PFAS: variants seen among roughly 807,000 people sequenced by gnomAD.
PFAS encodes FGAM synthase.
In PFAS, 97 loss-of-function variants were observed where a neutral mutation model predicts 140.6. The observed-to-expected ratio is 0.69, with a 90% CI of 0.59 to 0.82. The LOEUF (loss-of-function observed/expected upper bound fraction) is 0.82, where lower values mean the gene tolerates loss of function less well. PFAS is among the 40% of genes least tolerant of loss of function. PFAS has a pLI of 0.00. For missense variants in PFAS, 1,656 were observed against 1,780.2 expected, an observed-to-expected ratio of 0.93 and a Z score of 1.26; for synonymous variants, 679 against 718.8, an observed-to-expected ratio of 0.94 and a Z score of 0.88.
Position 8,268,845 on chromosome 17 carries a change from C to T in PFAS, c.3695C>T (p.Ala1232Val), listed in dbSNP as rs752932086. The T allele has an allele frequency of 3.7e-6, 6 of 1,608,674 alleles. No homozygotes were observed. The Admixed American group carries it at 5.0e-5, about 13-fold the overall frequency. The change falls in exon 27 of 28, where the codon GCG becomes GTG. Residue 1232 changes from alanine to valine, a missense_variant. Physicochemically the swap from Ala to Val is moderately conservative, Grantham distance 64 (BLOSUM62 0). Coordinates refer to ENST00000314666, the MANE Select transcript of PFAS (RefSeq NM_012393.3). ...MEGAVLPVWS[A>V]HGEGYVAFSS... Reference sequence around the variant, plus strand: ...GGCGCCGTGCTGCCCGTGTGGAGTGCGCACGGGGAAGGTCAGGCCCAAGGA... The same window carrying T: ...GGCGCCGTGCTGCCCGTGTGGAGTGTGCACGGGGAAGGTCAGGCCCAAGGA...
In PFAS at chr17:8,263,090, A is replaced by G. The variant is rs200964635; in HGVS notation, c.1411-19A>G. The stretch of plus-strand genomic sequence containing the variant: ...GCTTCCAGTCTCGCTGAGCTGAGCT[A>G]TGCCATATATGCCCCCAGGTGCAGG... On this transcript the variant is annotated intron_variant, in intron 12 of 27. Transcript: ENST00000314666. 470 of 1,613,696 alleles carry G rather than the reference A, an allele frequency of 2.9e-4. No homozygotes were observed. The highest frequency in any genetic ancestry group is 2.5e-3 in the Middle Eastern group (15 of 6,058).
In PFAS at chr17:8,267,910, ATAT is replaced by A. The variant is rs962990225; in HGVS notation, c.3382+250_3382+252del. Among the ~76,000 whole-genome samples, 12 of 144,934 alleles carry A rather than the reference ATAT, an allele frequency of 8.3e-5. No individual in the cohort carries two copies. Among genetic ancestry groups the A allele is most frequent in the East Asian group, 5.9e-4 (3 of 5,084 alleles). On this transcript the variant is annotated intron_variant, in intron 26 of 27. Coordinates refer to ENST00000314666, the MANE Select transcript of PFAS (RefSeq NM_012393.3). This position sits in a 1 kb window ranked among gnomAD's most constrained non-coding sequence, Gnocchi z 4.9. ...ATTATTAAATATATATTATTTATATATATTATTTATATATTATTAAAATGTATA... is the reference window on the plus strand; with the variant it reads ...ATTATTAAATATATATTATTTATATATATTTATATATTATTAAAATGTATA...
intron 11 of PFAS, among the ~76,000 whole-genome samples, chr17:8,262,212 T>C (rs945044941): frequency 2.6e-5 from 4 of 152,158 alleles, no homozygotes; most frequent in African/African-American, 9.7e-5. Context: ...TATATTCTCT[T>C]TTTTTGGTGG....
rs781714578 is a variant in PFAS at position 8,267,435 on chromosome 17, C to T, written c.3239C>T (p.Ala1080Val). 28 of 1,613,940 alleles carry T rather than the reference C, an allele frequency of 1.7e-5. No individual in the cohort carries two copies. Among genetic ancestry groups the T allele is most frequent in the Non-Finnish European group, 2.3e-5 (27 of 1,179,970 alleles). Residue 1080 changes from alanine (A) to valine (V), a missense_variant, in exon 25 of 28, where the codon GCC (alanine) becomes GTC (valine). Physicochemically the swap from Ala to Val is moderately conservative, Grantham distance 64. Transcript: ENST00000314666. The surrounding 1 kb of genome is among the most constrained non-coding windows in gnomAD (Gnocchi z 4.9). ...GGCAGTAATGGAGACCGGGAGATGGCCGATGCCTTCCACTTAGCTGGGTTT... is the reference window on the plus strand; with the variant it reads ...GGCAGTAATGGAGACCGGGAGATGGTCGATGCCTTCCACTTAGCTGGGTTT... ...EEGSNGDREMADAFHLAGFEV... is the reference protein window; with the variant it reads ...EEGSNGDREMVDAFHLAGFEV...
chr17:8,263,763 G>A lies in PFAS; in HGVS notation c.1630-12G>A, dbSNP rs144431012. On this transcript the variant is annotated splice_polypyrimidine_tract_variant and intron_variant, in intron 14 of 27. Transcript: ENST00000314666. The stretch of plus-strand genomic sequence containing the variant: ...CTGGCCCTTCTCTTTCCTCCCCGCC[G>A]TGGCTGTGCAGCTTGGGGACCCAAC... The A allele has an allele frequency of 4.8e-3, 7,801 of 1,612,356 alleles. 31 individuals carry two copies. The highest frequency in any genetic ancestry group is 6.0e-3 in the Non-Finnish European group (7,083 of 1,178,624).
intron 1 of PFAS, among the ~76,000 whole-genome samples, chr17:8,252,185 T>C (rs2151573695): frequency 6.6e-6 from 1 of 151,296 alleles, no homozygotes; most frequent in Middle Eastern, 3.4e-3. Context: ...TCTCAGCTAC[T>C]TGGGAGGCTG....
Position 8,256,823 on chromosome 17 carries a change from C to G in PFAS, c.947-12C>G. ...TGAGGCACCCAGACCTCTCCCCACT[C>G]TCTCTTTGCAGGAGTATGCCCCTTT... is the stretch of plus-strand genomic sequence containing the variant. On this transcript the variant is annotated splice_polypyrimidine_tract_variant and intron_variant, in intron 8 of 27. Coordinates refer to ENST00000314666, the MANE Select transcript of PFAS (RefSeq NM_012393.3). The G allele has an allele frequency of 6.3e-7, 1 of 1,587,844 alleles. No homozygotes were observed. Among genetic ancestry groups the G allele is most frequent in the Non-Finnish European group, 8.6e-7 (1 of 1,167,076 alleles).
chr17:8,252,122 C>T (rs921408315), intron 1 of PFAS, among the ~76,000 whole-genome samples: 64 of 151,612 alleles, frequency 4.2e-4, no homozygotes, highest in African/African-American at 1.4e-3. Flanking sequence ...AGGGAAACCC[C>T]GTCTCTACTA....
rs144253641 is a variant in PFAS at position 8,252,065 on chromosome 17, G to A, written c.-79-1794G>A. 1.7e-4 allele frequency among the ~76,000 whole-genome samples: 26 copies of A among 151,868 alleles called. No individual in the cohort carries two copies. In the East Asian group the frequency reaches 3.8e-3, roughly 22 times the overall value. ...TCCCAACGCTTTGGGAGTCCGAGGC[G>A]GGCAGATCACTTGAGGTCAGGAGTT... On this transcript the variant is annotated intron_variant, in intron 1 of 27. Transcript: ENST00000314666.
At chr17:8,248,797 G>T (rs953608636), upstream of PFAS, among the ~76,000 whole-genome samples, 2 of 152,126 alleles carry the variant, frequency 1.3e-5, no homozygotes, top group Non-Finnish European at 2.9e-5. Flanking sequence ...GGGCTCAAGC[G>T]ATCTGCCCGC....
At chr17:8,248,159 G>T, upstream of PFAS, 1 of 748,024 alleles carries the variant, frequency 1.3e-6, no homozygotes, top group Non-Finnish European at 2.3e-6. Flanking sequence ...GCTCCTTCTC[G>T]CTGCTCACCC....
chr17:8,261,438 C>T (rs180966634), intron 11 of PFAS, among the ~76,000 whole-genome samples: 4 of 151,898 alleles, frequency 2.6e-5, no homozygotes, highest in East Asian at 3.9e-4. Flanking sequence ...GGGGTTTCAC[C>T]GTGTTGCCCA....
Position 8,263,218 on chromosome 17 carries a change from A to C in PFAS, c.1520A>C (p.Lys507Thr). The change falls in exon 13 of 28, where the codon AAG (lysine) becomes ACG (threonine). Residue 507 changes from lysine to threonine, a missense_variant. This residue lies in a region of PFAS where 773 missense variants were observed against 757.3 expected (regional missense o/e 1.02). Coordinates refer to ENST00000314666, the MANE Select transcript of PFAS (RefSeq NM_012393.3). ...RVIRACVEAP[K>T]GNPICSLHDQ... ...ATCAGGGCTTGTGTGGAGGCCCCCA[A>C]GGGAAACCCCATCTGCAGCCTTCAT... 6.2e-7 allele frequency: 1 copy of C among 1,614,148 alleles called. No homozygotes were observed. Among genetic ancestry groups the C allele is most frequent in the African/African-American group, 1.3e-5 (1 of 75,042 alleles).
At position 8,267,876 on chromosome 17, in the gene PFAS, A is replaced by T. The variant is rs966370842; in HGVS notation, c.3382+211A>T. ...AGTATATATATACACATATGTAATT[A>T]AAATATATATTATTAAATATATATT... On this transcript the variant is annotated intron_variant, in intron 26 of 27. Coordinates refer to ENST00000314666, the MANE Select transcript of PFAS (RefSeq NM_012393.3). The surrounding 1 kb of genome is among the most constrained non-coding windows in gnomAD (Gnocchi z 4.9). Among the ~76,000 whole-genome samples, 207 of 146,630 alleles carry T rather than the reference A, an allele frequency of 1.4e-3. 1 individual carries two copies. Among genetic ancestry groups the T allele is most frequent in the African/African-American group, 4.9e-3 (198 of 40,394 alleles).
chr17:8,248,054 C>G, upstream of PFAS: 1 of 1,592,534 alleles, frequency 6.3e-7, no homozygotes, highest in Non-Finnish European at 8.6e-7. Context: ...CGGAGCTCCG[C>G]CCCCGGGAGG....
chr17:8,264,039 T>C, intron 15 of PFAS, 103 bp downstream of exon 15: 1 of 1,470,028 alleles, frequency 6.8e-7, no homozygotes, highest in Non-Finnish European at 9.5e-7. Context: ...GAGAGGAAGA[T>C]GGGAGGTAGT....
At position 8,267,360 on chromosome 17, in the gene PFAS, T is replaced by C; in HGVS notation, c.3176-12T>C. 2 of 1,612,920 alleles carry C rather than the reference T, an allele frequency of 1.2e-6. No individual in the cohort carries two copies. Among genetic ancestry groups the C allele is most frequent in the Non-Finnish European group, 1.7e-6 (2 of 1,179,146 alleles). ...TGACTTTCTGGCCCAAAGACACTTA[T>C]TCTCCCCCAAGGTGGTCCCAGCCCC... On this transcript the variant is annotated splice_polypyrimidine_tract_variant and intron_variant, in intron 24 of 27. Transcript: ENST00000314666. This position sits in a 1 kb window ranked among gnomAD's most constrained non-coding sequence, Gnocchi z 4.9.
chr17:8,256,468 T>C (rs1469379737), intron 7 of PFAS, 56 bp from the exon 8 acceptor site: 1 of 1,613,596 alleles, frequency 6.2e-7, no homozygotes, highest in African/African-American at 1.3e-5. Flanking sequence ...CAGGCCCTGG[T>C]TGGGTTAGTG....
Position 8,256,119 on chromosome 17 carries a change from A to G in PFAS, c.681-148A>G, listed in dbSNP as rs1989351993. 4.5e-6 allele frequency: 4 copies of G among 896,210 alleles called. No individual in the cohort carries two copies. In the South Asian group the frequency reaches 6.9e-5, roughly 16 times the overall value. The allele number at this position is 896,210 out of a possible 1,614,324, so 55.5% of individuals were successfully genotyped here. On this transcript the variant is annotated intron_variant, in intron 6 of 27. Transcript: ENST00000314666. The stretch of plus-strand genomic sequence containing the variant: ...TAGTCCAAAATGACAGAATACTTGA[A>G]GATTATGACTTTTTGGAATATATTT...
Sources: allele counts gnomAD v4.1 joint callset (sites outside exome capture counted in the v4.1 genomes callset), GRCh38; gene constraint gnomAD v4.1.1; regional missense constraint gnomAD v4.1.1; non-coding constraint Gnocchi (gnomAD v3.1); transcripts MANE v1.5; gene names NCBI Gene and HGNC (gene_info 2026-07-23, HGNC 2026-07-21).